EIF1AX: variants seen among roughly 807,000 people sequenced by gnomAD.
The protein encoded by EIF1AX is eukaryotic translation initiation factor 1A, X-chromosomal.
EIF1AX carries 1 observed loss-of-function variant against 16.1 expected under a neutral mutation model. The observed-to-expected ratio is 0.06, with a 90% CI of 0.02 to 0.30. The LOEUF is 0.30. EIF1AX is among the 10% of genes least tolerant of loss of function. EIF1AX has a pLI of 1.00. For missense variants in EIF1AX, 11 were observed against 109.1 expected (o/e 0.10, Z 4.00); for synonymous variants, 32 against 37.3 (o/e 0.86, Z 0.51).
chrX:20,130,892 T>C (rs190622928), intron 5 of EIF1AX, among the ~76,000 whole-genome samples: 124 of 111,599 alleles, frequency 1.1e-3, no homozygotes, highest in African/African-American at 3.9e-3. Context: ...ACAACGTATT[T>C]CCTTAAGAAT....
In EIF1AX at chrX:20,140,257, A is replaced by C. The variant is rs767606992; in HGVS notation, c.16+1368T>G. On this transcript the variant is annotated intron_variant, in intron 1 of 6. Coordinates refer to ENST00000379607, the MANE Select transcript of EIF1AX (RefSeq NM_001412.4). ...GGAGGTAGGTGACTTAAACCAACAA[A>C]TATTTATTAAGCATCTACTAATTGT... 2.7e-5 allele frequency: 3 copies of C among 112,008 alleles called. No homozygotes were observed. In the Admixed American group the frequency reaches 2.8e-4, roughly 11 times the overall value. 9.2% of individuals were successfully genotyped at this position (112,008 alleles called of 1,213,427 possible).
In EIF1AX at chrX:20,125,373, A is replaced by G. The variant is rs2066982277; in HGVS notation, c.*2933T>C. 2 of 172,705 alleles carry G rather than the reference A, an allele frequency of 1.2e-5. No homozygotes were observed. Among genetic ancestry groups the G allele is most frequent in the East Asian group, 1.7e-4 (2 of 11,943 alleles). 14.2% of individuals were successfully genotyped at this position (172,705 alleles called of 1,213,427 possible). A position where few individuals can be genotyped will look rare whatever the true frequency, so the allele number is the denominator to read the frequency against. ...ATAGGAAGAAAAAAAGCAAAGATAA[A>G]AAGGATGGTAGTTTAGGGTAAACCA... On this transcript the variant is annotated 3_prime_UTR_variant, in exon 7 of 7. Transcript: ENST00000379607.
chrX:20,130,302 C>CAAAAAAAAAAAAAAAAAA, intron 6 of EIF1AX, among the ~76,000 whole-genome samples: 1 of 28,481 alleles, frequency 3.5e-5, no homozygotes, highest in Non-Finnish European at 6.8e-5. Flanking sequence ...AACTCCATCA[C>CAAAAAAAAAAAAAAAAAA]AAAAAAAAAA....
chrX:20,136,017 G>A, intron 2 of EIF1AX, 176 bp from the exon 3 acceptor site: 3 of 421,600 alleles, frequency 7.1e-6, no homozygotes, highest in Non-Finnish European at 1.3e-5. Context: ...TAACGGCAGA[G>A]CTAGAACTAA....
chrX:20,132,804 T>C (rs2148607548), intron 4 of EIF1AX, among the ~76,000 whole-genome samples: 1 of 112,347 alleles, frequency 8.9e-6, no homozygotes, highest in African/African-American at 3.2e-5. Context: ...TGAGAAGTTC[T>C]TTAGGTATTT....
rs1302165530 is a variant in EIF1AX, at chrX:20,124,868, C to T, written c.*3438G>A. 6 of 147,408 alleles carry T rather than the reference C, an allele frequency of 4.1e-5. No homozygotes were observed. Among genetic ancestry groups the T allele is most frequent in the African/African-American group, 6.2e-5 (2 of 32,359 alleles). The allele number at this position is 147,408 out of a possible 1,213,427, so 12.1% of individuals were successfully genotyped here. A position where few individuals can be genotyped will look rare whatever the true frequency, so the allele number is the denominator to read the frequency against. On this transcript the variant is annotated 3_prime_UTR_variant, in exon 7 of 7. Coordinates refer to ENST00000379607, the MANE Select transcript of EIF1AX (RefSeq NM_001412.4). ...CATGAATGTACAAATATACATTCTA[C>T]GTGTTCCTTCTATTGTACGAATCAA... is the stretch of plus-strand genomic sequence containing the variant.
At chrX:20,132,338 T>C in intron 4 of EIF1AX, 75 bp from the exon 5 acceptor site, 1 of 651,303 alleles carries the variant, frequency 1.5e-6, no homozygotes, top group East Asian at 3.6e-5. Flanking sequence ...ATTCTCATAT[T>C]GAATAAACAA....
intron 2 of EIF1AX, among the ~76,000 whole-genome samples, chrX:20,136,650 T>C (rs2067017983): frequency 8.9e-6 from 1 of 112,170 alleles, no homozygotes; most frequent in Non-Finnish European, 1.9e-5. Context: ...TTTGTAAATA[T>C]ACTGAGACTT....
intron 5 of EIF1AX, among the ~76,000 whole-genome samples, chrX:20,131,221 C>T (rs966587981): frequency 1.8e-5 from 2 of 111,918 alleles, no homozygotes; most frequent in African/African-American, 6.5e-5. Context: ...AGGTTTTCTG[C>T]GTTAAGAATT....
chrX:20,140,309 AG>A (rs2067030080), intron 1 of EIF1AX: 1 of 112,319 alleles, frequency 8.9e-6, no homozygotes, highest in Non-Finnish European at 1.9e-5. Flanking sequence ...AATGAGATTA[AG>A]ACAGATACTA....
intron 2 of EIF1AX, among the ~76,000 whole-genome samples, chrX:20,137,769 T>G (rs2067021771): frequency 9.0e-6 from 1 of 111,403 alleles, no homozygotes; most frequent in Non-Finnish European, 1.9e-5. Context: ...ATCCTTCAAA[T>G]GTCCATGGTC....
intron 1 of EIF1AX, chrX:20,139,865 C>G (rs1378109471): frequency 8.9e-6 from 1 of 112,220 alleles, no homozygotes; most frequent in South Asian, 3.6e-4. Context: ...TTCTTAAATT[C>G]AGAGTAATGG....
intron 2 of EIF1AX, chrX:20,136,339 C>T: frequency 2.8e-6 from 1 of 352,994 alleles, no homozygotes; most frequent in Non-Finnish European, 5.5e-6. Flanking sequence ...ATCAGGTAGA[C>T]CGGAAAGCCT....
At chrX:20,130,840 T>TA (rs1317150461) in intron 5 of EIF1AX, among the ~76,000 whole-genome samples, 1 of 112,003 alleles carries the variant, frequency 8.9e-6, no homozygotes, top group African/African-American at 3.2e-5. Flanking sequence ...GAAGCTATTA[T>TA]AACTTTCAGG....
At chrX:20,137,447 A>C (rs2067020830) in intron 2 of EIF1AX, among the ~76,000 whole-genome samples, 1 of 110,330 alleles carries the variant, frequency 9.1e-6, no homozygotes, top group Admixed American at 9.6e-5. Flanking sequence ...CTCCATCTCA[A>C]AAAAAAAATT....
chrX:20,136,112 C>T (rs755949032), intron 2 of EIF1AX: 6 of 297,892 alleles, frequency 2.0e-5, no homozygotes, highest in Non-Finnish European at 3.7e-5. Context: ...AAAGGTCAGT[C>T]GTAAAACCTT....
At chrX:20,139,473 T>C (rs908074615) in intron 1 of EIF1AX, among the ~76,000 whole-genome samples, 21 of 111,843 alleles carry the variant, frequency 1.9e-4, no homozygotes, top group African/African-American at 6.8e-4. Flanking sequence ...AGTAAATCAG[T>C]TCACTGATTA....
chrX:20,136,025 T>C, intron 2 of EIF1AX, 184 bp from the exon 3 acceptor site: 1 of 411,006 alleles, frequency 2.4e-6, no homozygotes, highest in Non-Finnish European at 4.4e-6. Flanking sequence ...GAGCTAGAAC[T>C]AAGACTCTAT....
chrX:20,128,798 G>T (rs1003965225), intron 6 of EIF1AX, among the ~76,000 whole-genome samples: 2 of 111,671 alleles, frequency 1.8e-5, no homozygotes, highest in African/African-American at 6.5e-5. Context: ...CAGCCAGCTG[G>T]GTCCAGTTCT....
Sources: allele counts gnomAD v4.1 joint callset (sites outside exome capture counted in the v4.1 genomes callset), GRCh38; gene constraint gnomAD v4.1.1; transcripts MANE v1.5; gene names NCBI Gene and HGNC (gene_info 2026-07-23, HGNC 2026-07-21).